The following CEP43 variants were observed in gnomAD, a reference collection of about 807,000 sequenced individuals.
CEP43 encodes FGFR1 oncogene partner.
Under a neutral mutation model 52.6 loss-of-function variants are expected in CEP43, and 36 were observed. The ratio of observed to expected loss-of-function variants is 0.68; its 90% CI spans 0.52 to 0.90. The LOEUF (loss-of-function observed/expected upper bound fraction) is 0.90. Among genes scored for constraint, CEP43 ranks in the 40% least tolerant of loss-of-function variants. The pLI, the probability that CEP43 is intolerant of heterozygous loss-of-function variation, is 0.00. For missense variants in CEP43, 506 were observed against 472.8 expected (o/e 1.07, Z -0.65); for synonymous variants, 192 against 172.4 (o/e 1.11, Z -0.89).
intron 7 of CEP43, among the ~76,000 whole-genome samples, chr6:167,021,882 T>G (rs984897081): frequency 3.3e-5 from 5 of 152,230 alleles, no homozygotes; most frequent in African/African-American, 1.2e-4. Context: ...CTGTTGTGTT[T>G]AGCACTGGAT....
intron 12 of CEP43, 81 bp from the exon 13 acceptor site, chr6:167,039,823 T>C: frequency 4.2e-6 from 6 of 1,437,004 alleles, no homozygotes; most frequent in South Asian, 3.6e-5. Flanking sequence ...TGGTATCTCA[T>C]TGTGGCTTTG....
intron 10 of CEP43, among the ~76,000 whole-genome samples, chr6:167,029,545 T>C (rs1181663636): frequency 1.3e-5 from 2 of 152,270 alleles, no homozygotes; most frequent in South Asian, 2.1e-4. Context: ...AGTTTGGTTT[T>C]CAAATTTTTG....
chr6:167,000,185 T>C, intron 2 of CEP43, 72 bp downstream of exon 2: 4 of 1,219,934 alleles, frequency 3.3e-6, no homozygotes, highest in Non-Finnish European at 4.7e-6. Flanking sequence ...AAAACCGTCT[T>C]AAAAATAGTT....
rs1318290257 is a variant in CEP43 at position 167,010,849 on chromosome 6, A to G, written c.475A>G (p.Lys159Glu). The change falls in exon 6 of 13, where the codon AAG becomes GAG. Residue 159 changes from lysine to glutamate, a missense_variant. By Grantham distance (56) the Lys-to-Glu change is moderately conservative. Transcript: ENST00000366847. ...LDLSDVHSPP[K>E]SPEGKTSAQT... is the part of the protein sequence containing the mutation. ...TCTATCTGATGTACATTCTCCACCA[A>G]AGTCACCAGAGGGAAAAACAAGTGC... is the stretch of plus-strand genomic sequence containing the variant. 3.1e-6 allele frequency: 5 copies of G among 1,598,410 alleles called. No homozygotes were observed. Among genetic ancestry groups the G allele is most frequent in the East Asian group, 2.3e-5 (1 of 43,900 alleles).
chr6:167,018,823 A>G (rs887173721), intron 7 of CEP43, among the ~76,000 whole-genome samples: 1 of 152,242 alleles, frequency 6.6e-6, no homozygotes, highest in Non-Finnish European at 1.5e-5. Context: ...TGTACGTAAC[A>G]TAAGTTCGTC....
intron 12 of CEP43, among the ~76,000 whole-genome samples, chr6:167,037,665 T>C (rs1340575267): frequency 6.6e-6 from 1 of 152,206 alleles, no homozygotes; most frequent in Non-Finnish European, 1.5e-5. Context: ...ATCCGAAGAA[T>C]AACAAAATGA....
chr6:167,038,772 T>C (rs919052349), intron 12 of CEP43, among the ~76,000 whole-genome samples: 41 of 152,230 alleles, frequency 2.7e-4, no homozygotes, highest in African/African-American at 8.9e-4. Flanking sequence ...AGTAATACTT[T>C]ACAGCAACAG....
intron 8 of CEP43, among the ~76,000 whole-genome samples, chr6:167,024,051 TTAA>T (rs1350301760): frequency 2.6e-5 from 4 of 152,092 alleles, no homozygotes; most frequent in East Asian, 3.8e-4. Context: ...GATGGAAGAA[TTAA>T]TGATGTAAGG....
rs549470540 is a variant in CEP43 at position 167,022,991 on chromosome 6, C to G, written c.806+356C>G. Among the ~76,000 whole-genome samples the G allele has an allele frequency of 2.0e-5, 3 of 152,212 alleles. No individual in the cohort carries two copies. In the East Asian group the frequency reaches 5.8e-4, roughly 29 times the overall value. On this transcript the variant is annotated intron_variant, in intron 8 of 12. Coordinates refer to ENST00000366847, the MANE Select transcript of CEP43 (RefSeq NM_007045.4). Reference sequence around the variant, plus strand: ...GCTGCAGTGTGTGGGGTGATGAGAGCAGAGCAGTGATGGGAGCCCGAGTGT... The same window carrying G: ...GCTGCAGTGTGTGGGGTGATGAGAGGAGAGCAGTGATGGGAGCCCGAGTGT...
chr6:167,034,039 C>A, intron 12 of CEP43, 68 bp downstream of exon 12: 1 of 660,340 alleles, frequency 1.5e-6, no homozygotes, highest in Non-Finnish European at 2.6e-6. Context: ...TACTGTAAAG[C>A]TTCAAAATTC....
chr6:167,018,254 G>C (rs1229048565), intron 7 of CEP43, among the ~76,000 whole-genome samples: 1 of 152,186 alleles, frequency 6.6e-6, no homozygotes, highest in East Asian at 1.9e-4. Flanking sequence ...AGTGGACACT[G>C]TTTCCAAATA....
chr6:167,028,561 T>C (rs1187643957), intron 10 of CEP43: 1 of 919,300 alleles, frequency 1.1e-6, no homozygotes, highest in Admixed American at 6.2e-5. Flanking sequence ...TCTAGGTATT[T>C]TGAGTAATAT....
chr6:167,015,292 C>A (rs1443445838), intron 7 of CEP43, among the ~76,000 whole-genome samples: 1 of 152,200 alleles, frequency 6.6e-6, no homozygotes, highest in Non-Finnish European at 1.5e-5. Flanking sequence ...TGTTTCTGAA[C>A]TGCCTTGTGA....
Position 167,044,280 on chromosome 6 carries a change from T to A in CEP43, c.*4302T>A, listed in dbSNP as rs1780759025. 1 of 345,018 alleles carries A rather than the reference T, an allele frequency of 2.9e-6. No homozygotes were observed. The highest frequency in any genetic ancestry group is 4.1e-6 in the Non-Finnish European group (1 of 244,484). The allele number at this position is 345,018 out of a possible 1,614,324, so 21.4% of individuals were successfully genotyped here. A position where few individuals can be genotyped will look rare whatever the true frequency, so the allele number is the denominator to read the frequency against. Reference sequence around the variant, plus strand: ...CTAAAAGAGGCTATATGAAAGAGGTTATAATAAAAATGATTTTTGACTAAA... The same window carrying A: ...CTAAAAGAGGCTATATGAAAGAGGTAATAATAAAAATGATTTTTGACTAAA... On this transcript the variant is annotated 3_prime_UTR_variant, in exon 13 of 13. Coordinates refer to ENST00000366847, the MANE Select transcript of CEP43 (RefSeq NM_007045.4).
chr6:167,033,422 T>G (rs191638879), intron 11 of CEP43, among the ~76,000 whole-genome samples: 2 of 152,196 alleles, frequency 1.3e-5, no homozygotes, highest in Admixed American at 6.5e-5. Context: ...TCCTTTCTTA[T>G]ACACAGAAAG....
intron 7 of CEP43, among the ~76,000 whole-genome samples, chr6:167,016,426 A>T (rs1360320512): frequency 6.6e-6 from 1 of 152,082 alleles, no homozygotes; most frequent in Non-Finnish European, 1.5e-5. Context: ...CTAATTTTTT[A>T]AAAAATGTTT....
At chr6:167,034,862 G>A (rs1366319979) in intron 12 of CEP43, among the ~76,000 whole-genome samples, 8 of 150,282 alleles carry the variant, frequency 5.3e-5, no homozygotes, top group Admixed American at 4.7e-4. Flanking sequence ...AATATATAAA[G>A]CACTTCTCTA....
At chr6:167,027,909 C>A in intron 10 of CEP43, 2 of 985,772 alleles carry the variant, frequency 2.0e-6, no homozygotes, top group Non-Finnish European at 2.4e-6. Context: ...TTGTTCCGCA[C>A]AGTGCCCTGG....
chr6:167,001,191 A>T (rs553459663), intron 2 of CEP43, among the ~76,000 whole-genome samples: 2 of 152,222 alleles, frequency 1.3e-5, no homozygotes, highest in South Asian at 4.1e-4. Context: ...ACCTGTGTCT[A>T]TGTTTATCTG....
Sources: gnomAD v4.1 joint callset for allele counts (sites outside exome capture counted in the v4.1 genomes callset) on GRCh38, gnomAD v4.1.1 for gene constraint, MANE v1.5 for transcripts, NCBI Gene and HGNC (gene_info 2026-07-23, HGNC 2026-07-21) for gene names.